The following ZBTB4 variants were observed in gnomAD, a reference collection of about 807,000 sequenced individuals.
The protein encoded by ZBTB4 is zinc finger and BTB domain-containing protein 4.
Under a neutral mutation model 59.8 loss-of-function variants are expected in ZBTB4, and 14 were observed. The ratio of observed to expected loss-of-function variants is 0.23; its 90% CI spans 0.15 to 0.37. The LOEUF (loss-of-function observed/expected upper bound fraction) is 0.37, where lower values mean the gene tolerates loss of function less well. Among genes scored for constraint, ZBTB4 ranks in the 10% least tolerant of loss-of-function variants. The probability of loss-of-function intolerance (pLI) is 1.00; values close to 1 mark genes in which losing one functional copy is unlikely to be tolerated. For synonymous variants in ZBTB4, 587 were observed against 575.2 expected, an observed-to-expected ratio of 1.02 and a Z score of -0.29; for missense variants, 1,198 against 1,380.8, an observed-to-expected ratio of 0.87 and a Z score of 2.10.
rs765054505 is a variant in ZBTB4, at chr17:7,462,109, G to A, written c.2873C>T (p.Ala958Val). Residue 958 changes from alanine to valine, a missense_variant, in exon 4 of 4, where the codon GCG becomes GTG. By Grantham distance (64) the Ala-to-Val change is moderately conservative. Coordinates refer to ENST00000380599, the MANE Select transcript of ZBTB4 (RefSeq NM_001128833.2). This position sits in a 1 kb window ranked among gnomAD's most constrained non-coding sequence, Gnocchi z 7.5. ...CCCTGGTAGGAAGGGAAGGGCCCCC[G>A]CACCCTTCTCATCAGGTAGGACCAT... ...LNMVLPDEKG[A>V]GALPFLPGVF... 6.8e-6 allele frequency: 11 copies of A among 1,611,278 alleles called. No homozygotes were observed. The highest frequency in any genetic ancestry group is 6.8e-6 in the Non-Finnish European group (8 of 1,178,552).
At chr17:7,480,387 A>C (rs953952872), upstream of ZBTB4, among the ~76,000 whole-genome samples, 3 of 152,212 alleles carry the variant, frequency 2.0e-5, no homozygotes, top group African/African-American at 7.2e-5. Context: ...TTAAAAACTA[A>C]GGAGATGGAG....
chr17:7,473,657 T>C (rs562571142), intron 1 of ZBTB4, among the ~76,000 whole-genome samples: 2 of 151,956 alleles, frequency 1.3e-5, no homozygotes, highest in South Asian at 4.2e-4. Context: ...AATGATCCTC[T>C]CACCTGTCAG....
intron 1 of ZBTB4, among the ~76,000 whole-genome samples, chr17:7,472,774 G>A (rs560422987): frequency 6.8e-6 from 1 of 147,902 alleles, no homozygotes; most frequent in South Asian, 2.1e-4. Flanking sequence ...CCTAGTAGCT[G>A]GCACCACAGG....
chr17:7,476,073 C>T lies in ZBTB4; in HGVS notation c.-81+3383G>A, dbSNP rs1456564810. Among the ~76,000 whole-genome samples the T allele has an allele frequency of 2.0e-5, 3 of 152,208 alleles. No homozygotes were observed. The East Asian group carries it at 5.8e-4, about 29-fold the overall frequency. ...GGAATGGCTCTGGAAATCTTCCCTT[C>T]GATAGCTCAGGTCCTTGTTAACACT... On this transcript the variant is annotated intron_variant, in intron 1 of 3. Coordinates refer to ENST00000380599, the MANE Select transcript of ZBTB4 (RefSeq NM_001128833.2).
upstream of ZBTB4, among the ~76,000 whole-genome samples, chr17:7,480,946 G>A (rs1207916016): frequency 1.3e-5 from 2 of 151,976 alleles, no homozygotes; most frequent in Non-Finnish European, 2.9e-5. Context: ...GATCACTTGA[G>A]GTAAGGAGTT....
intron 1 of ZBTB4, among the ~76,000 whole-genome samples, chr17:7,468,028 C>T (rs1343182493): frequency 6.6e-6 from 1 of 152,182 alleles, no homozygotes; most frequent in East Asian, 1.9e-4. Flanking sequence ...ACTTAAAAAG[C>T]GGCAGAATCA....
rs1165526664 is a variant in ZBTB4 at position 7,463,043 on chromosome 17, C to T, written c.1939G>A (p.Glu647Lys). ...GATTCCTCCTCATCCTCCTCCTCCT[C>T]CTCTTCGTCCTCCTCCTCTTCGTCC... ...EEDEEEEDEE[E>K]EEEDEEESKA... The change falls in exon 4 of 4, where the codon GAG (glutamate) becomes AAG (lysine). Residue 647 changes from glutamate (E) to lysine (K), a missense_variant. Glu to Lys is a moderately conservative substitution (Grantham distance 56). Around this residue, in one of 9 missense-constraint regions of ZBTB4, gnomAD observed 550 missense variants for 541.8 expected, o/e 1.02. Transcript: ENST00000380599. The T allele has an allele frequency of 6.2e-7, 1 of 1,609,262 alleles. No individual in the cohort carries two copies. Among genetic ancestry groups the T allele is most frequent in the East Asian group, 2.2e-5 (1 of 44,736 alleles).
In ZBTB4 at chr17:7,466,012, C is replaced by G. The variant is rs780283200; in HGVS notation, c.790G>C (p.Gly264Arg). 3 of 1,607,620 alleles carry G rather than the reference C, an allele frequency of 1.9e-6. No homozygotes were observed. In the East Asian group the frequency reaches 6.7e-5, roughly 36 times the overall value. Residue 264 changes from glycine (G) to arginine (R), a missense_variant, in exon 3 of 4, where the codon GGG becomes CGG. This residue lies in a region of ZBTB4 where 204 missense variants were observed against 205.5 expected (regional missense o/e 0.99). Coordinates refer to ENST00000380599, the MANE Select transcript of ZBTB4 (RefSeq NM_001128833.2). The surrounding 1 kb of genome is among the most constrained non-coding windows in gnomAD (Gnocchi z 9.1). ...AQCRRGASTR[G>R]STGLGAGGAG... ...CCCCCAGCTCCCAGCCCTGTAGACC[C>G]CCGCGTGCTGGCCCCTCGTCGGCAC...
intron 1 of ZBTB4, among the ~76,000 whole-genome samples, chr17:7,477,734 G>A (rs1171842047): frequency 6.6e-6 from 1 of 152,204 alleles, no homozygotes; most frequent in African/African-American, 2.4e-5. Context: ...GAGAGGGAGA[G>A]GGTGAAGCAG....
chr17:7,482,634 C>G (rs1446845902), upstream of ZBTB4: 1 of 1,612,048 alleles, frequency 6.2e-7, no homozygotes, highest in East Asian at 2.2e-5. Flanking sequence ...CACTTTCCCT[C>G]CTGCCTCCCA....
chr17:7,481,909 C>T, upstream of ZBTB4: 1 of 1,519,680 alleles, frequency 6.6e-7, no homozygotes, highest in Non-Finnish European at 8.8e-7. Context: ...GGGTCCCAGA[C>T]CCCATCCTGG....
chr17:7,484,105 T>C (rs1247366674), upstream of ZBTB4: 1 of 152,238 alleles, frequency 6.6e-6, no homozygotes, highest in Non-Finnish European at 1.5e-5. Flanking sequence ...AGCGGCCCAA[T>C]TTTACCCTCG....
Position 7,463,203 on chromosome 17 carries a change from A to G in ZBTB4, c.1779T>C (p.Ser593=), listed in dbSNP as rs762312847. 6 of 1,608,890 alleles carry G rather than the reference A, an allele frequency of 3.7e-6. No individual in the cohort carries two copies. Among genetic ancestry groups the G allele is most frequent in the Non-Finnish European group, 5.1e-6 (6 of 1,179,168 alleles). Residue 593 remains serine (S), a synonymous_variant, in exon 4 of 4, where the codon TCT becomes TCC. Coordinates refer to ENST00000380599, the MANE Select transcript of ZBTB4 (RefSeq NM_001128833.2). ...ACAGTGGAGGTGGAGCCTGCAGCTG[A>G]GAGGGGCCCCGGCCAGCCCCTGTGG... The part of the protein sequence containing the change: ...GPPTGAGRGP[S]QLQAPPPLCQ...
intron 1 of ZBTB4, among the ~76,000 whole-genome samples, chr17:7,475,708 G>C (rs2070260075): frequency 6.6e-6 from 1 of 152,204 alleles, no homozygotes; most frequent in Non-Finnish European, 1.5e-5. Context: ...AAAGTTCTGG[G>C]ATTACAGGCA....
intron 1 of ZBTB4, among the ~76,000 whole-genome samples, chr17:7,470,692 G>A (rs1312450076): frequency 1.3e-5 from 2 of 152,110 alleles, no homozygotes; most frequent in African/African-American, 4.8e-5. Flanking sequence ...ATGAAACTTC[G>A]TCTCAAAATA....
chr17:7,463,064 C>T lies in ZBTB4; in HGVS notation c.1918G>A (p.Glu640Lys), dbSNP rs1431397899. The change falls in exon 4 of 4, where the codon GAA (glutamate) becomes AAA (lysine). Residue 640 changes from glutamate to lysine, a missense_variant. This residue lies in a region of ZBTB4 where 550 missense variants were observed against 541.8 expected (regional missense o/e 1.02). Coordinates refer to ENST00000380599, the MANE Select transcript of ZBTB4 (RefSeq NM_001128833.2). ...TCCTCCTCTTCGTCCTCCTCCTCTT[C>T]GTCCTCCTCACTCTCCTCCATCTCC... ...GEEMEESEED[E>K]EEEDEEEEEE... The T allele has an allele frequency of 2.5e-6, 4 of 1,611,436 alleles. No homozygotes were observed. Among genetic ancestry groups the T allele is most frequent in the Non-Finnish European group, 2.5e-6 (3 of 1,179,656 alleles).
chr17:7,482,308 C>A, upstream of ZBTB4: 1 of 1,614,032 alleles, frequency 6.2e-7, no homozygotes, highest in Non-Finnish European at 8.5e-7. Flanking sequence ...ACTTCTATGC[C>A]CTGCTCAACG....
chr17:7,466,588 C>G lies in ZBTB4; in HGVS notation c.214G>C (p.Gly72Arg). 1.2e-6 allele frequency: 2 copies of G among 1,613,222 alleles called. No individual in the cohort carries two copies. Among genetic ancestry groups the G allele is most frequent in the Non-Finnish European group, 1.7e-6 (2 of 1,179,568 alleles). Residue 72 changes from glycine (G) to arginine (R), a missense_variant, in exon 3 of 4, where the codon GGG becomes CGG. Physicochemically the swap from Gly to Arg is moderately radical, Grantham distance 125. This residue lies in a region of ZBTB4 where 83 missense variants were observed against 76.5 expected (regional missense o/e 1.09). Transcript: ENST00000380599. The surrounding 1 kb of genome is among the most constrained non-coding windows in gnomAD (Gnocchi z 9.1). ...GTGGCAGGGTTGGGTGCGGCGCCCC[C>G]AGTAGCTGGTGGAAGGGGTAGTGGG... ...SAPLPLPPAT[G>R]GAAPNPATTT... is the part of the protein sequence containing the mutation.
chr17:7,483,377 G>T (rs774461277), upstream of ZBTB4: 3 of 307,830 alleles, frequency 9.7e-6, no homozygotes, highest in African/African-American at 2.2e-5. Context: ...TGCGGTGGGG[G>T]AGGGGAGCGT....
Sources: allele counts gnomAD v4.1 joint callset (sites outside exome capture counted in the v4.1 genomes callset), GRCh38; gene constraint gnomAD v4.1.1; regional missense constraint gnomAD v4.1.1; non-coding constraint Gnocchi (gnomAD v3.1); transcripts MANE v1.5; gene names NCBI Gene and HGNC (gene_info 2026-07-23, HGNC 2026-07-21).